Variants in ROBO2 observed in about 807,000 individuals in gnomAD.
The protein encoded by ROBO2 is roundabout homolog 2.
A neutral mutation model predicts 160.8 loss-of-function variants in ROBO2; 53 were observed. The observed-to-expected ratio is 0.33, with a 90% CI of 0.26 to 0.41. The LOEUF (loss-of-function observed/expected upper bound fraction) is 0.41. Among genes scored for constraint, ROBO2 ranks in the 10% least tolerant of loss-of-function variants. The pLI is 1.00. For missense variants in ROBO2, 1,577 were observed against 1,722.4 expected (o/e 0.92, Z 1.49); for synonymous variants, 664 against 611.7 (o/e 1.09, Z -1.26).
At chr3:75,916,973 C>A (rs1368002095) in intron 1 of ROBO2, among the ~76,000 whole-genome samples, 1 of 106,460 alleles carries the variant, frequency 9.4e-6, no homozygotes, top group Admixed American at 1.1e-4. Context: ...AAAATGAGTG[C>A]ATGTTTTCTA....
At chr3:76,952,155 C>T (rs1371187721) in intron 2 of ROBO2, among the ~76,000 whole-genome samples, 4 of 152,178 alleles carry the variant, frequency 2.6e-5, no homozygotes, top group South Asian at 2.1e-4. Context: ...ACACAGCCTG[C>T]GTTCTGACTA....
intron 2 of ROBO2, among the ~76,000 whole-genome samples, chr3:76,019,383 G>A (rs369771176): frequency 1.3e-5 from 2 of 151,352 alleles, no homozygotes; most frequent in African/African-American, 4.9e-5. Context: ...GTGCGTATCT[G>A]AGAATACTGT....
chr3:77,297,907 A>G (rs1401174981), intron 2 of ROBO2, among the ~76,000 whole-genome samples: 1 of 152,186 alleles, frequency 6.6e-6, no homozygotes, highest in Non-Finnish European at 1.5e-5. Flanking sequence ...ATGAGGAGGC[A>G]TGCTAACAGA....
intron 2 of ROBO2, among the ~76,000 whole-genome samples, chr3:76,755,159 C>G (rs1016913939): frequency 1.3e-5 from 2 of 151,640 alleles, no homozygotes; most frequent in African/African-American, 4.8e-5. Context: ...ATGAATTTTC[C>G]TATGTAATAA....
intron 14 of ROBO2, among the ~76,000 whole-genome samples, 164 bp downstream of exon 15, chr3:77,574,894 A>G (rs1198287840): frequency 1.3e-5 from 2 of 152,112 alleles, no homozygotes; most frequent in Non-Finnish European, 2.9e-5. Flanking sequence ...GAATCTGACA[A>G]GCAGAAAAAA....
intron 21 of ROBO2, among the ~76,000 whole-genome samples, chr3:77,613,584 TG>T (rs1164614407): frequency 6.6e-6 from 1 of 152,180 alleles, no homozygotes; most frequent in Non-Finnish European, 1.5e-5. Flanking sequence ...CTTAATAATG[TG>T]GCTTAAGTCA....
intron 2 of ROBO2, among the ~76,000 whole-genome samples, chr3:76,975,626 C>A (rs1358319170): frequency 6.6e-6 from 1 of 152,144 alleles, no homozygotes; most frequent in African/African-American, 2.4e-5. Flanking sequence ...CCGAAGCTTT[C>A]TTTTCCTAAT....
chr3:76,246,613 C>T (rs1705639382), intron 2 of ROBO2, among the ~76,000 whole-genome samples: 1 of 152,014 alleles, frequency 6.6e-6, no homozygotes, highest in Non-Finnish European at 1.5e-5. Context: ...TAGTATTATT[C>T]CCTAGAAGTT....
At chr3:76,664,497 G>A (rs532888983) in intron 2 of ROBO2, among the ~76,000 whole-genome samples, 13 of 152,190 alleles carry the variant, frequency 8.5e-5, no homozygotes, top group Non-Finnish European at 1.5e-4. Flanking sequence ...CATAGGAAAC[G>A]TCCAGAGGGC....
At chr3:76,680,358 T>TAA (rs3066796) in intron 2 of ROBO2, among the ~76,000 whole-genome samples, 2,033 of 143,616 alleles carry the variant, frequency 0.014, 38 homozygotes, top group African/African-American at 0.043. Context: ...ATGGATATAT[T>TAA]AAAAAAAAAA....
intron 2 of ROBO2, among the ~76,000 whole-genome samples, chr3:76,106,538 G>A (rs976443740): frequency 6.6e-6 from 1 of 151,998 alleles, no homozygotes; most frequent in Non-Finnish European, 1.5e-5. Context: ...TTATTTGGTT[G>A]TTGAAGGGTT....
intron 2 of ROBO2, among the ~76,000 whole-genome samples, chr3:77,166,834 C>T (rs1480558996): frequency 9.2e-5 from 14 of 152,220 alleles, no homozygotes; most frequent in African/African-American, 2.7e-4. Context: ...GCTGGGATTA[C>T]AGGCGTGAGC....
chr3:77,089,201 A>G (rs962103780), intron 1 of ROBO2, among the ~76,000 whole-genome samples: 1 of 152,240 alleles, frequency 6.6e-6, no homozygotes, highest in Non-Finnish European at 1.5e-5. Context: ...AGAAAAAGTC[A>G]TCCTGAAAAC....
At chr3:77,423,255 T>G (rs1452323786) in intron 2 of ROBO2, among the ~76,000 whole-genome samples, 1 of 152,186 alleles carries the variant, frequency 6.6e-6, no homozygotes, top group Non-Finnish European at 1.5e-5. Flanking sequence ...ACTAGATGAA[T>G]TACTATGTCA....
rs189433469 is a variant in ROBO2 at position 77,549,383 on chromosome 3, G to A, written c.1060-1435G>A. ...AAATTTAGACTCTCTCTTTTAGCTC[G>A]TTTATTTTGATAATACATTTGGAAT... On this transcript the variant is annotated intron_variant, in intron 7 of 25. Coordinates refer to ENST00000461745, the Ensembl canonical transcript of ROBO2. 2.1e-3 allele frequency among the ~76,000 whole-genome samples: 326 copies of A among 151,964 alleles called. 1 individual carries two copies. The highest frequency in any genetic ancestry group is 3.0e-3 in the Non-Finnish European group (204 of 67,926).
At chr3:76,493,355 AT>A (rs1177125938) in intron 2 of ROBO2, among the ~76,000 whole-genome samples, 9 of 142,932 alleles carry the variant, frequency 6.3e-5, no homozygotes, top group African/African-American at 2.3e-4. Flanking sequence ...ATATATATAT[AT>A]ATATATATAA....
At chr3:77,249,070 TC>T (rs1373860157) in intron 2 of ROBO2, among the ~76,000 whole-genome samples, 2 of 152,040 alleles carry the variant, frequency 1.3e-5, no homozygotes, top group African/African-American at 4.8e-5. Context: ...CAGGCTGGTC[TC>T]AAACTCCCGA....
chr3:76,401,906 A>G (rs1479188681), intron 2 of ROBO2, among the ~76,000 whole-genome samples: 1 of 151,550 alleles, frequency 6.6e-6, no homozygotes, highest in Non-Finnish European at 1.5e-5. Flanking sequence ...CCTAGAATAC[A>G]AAGAAAAATT....
chr3:77,317,331 C>A, intron 2 of ROBO2: 2 of 779,852 alleles, frequency 2.6e-6, no homozygotes, highest in South Asian at 3.0e-5. Context: ...CCTCAGGCCA[C>A]GTGCAAGCTG....
Sources: gnomAD v4.1 joint callset for allele counts (sites outside exome capture counted in the v4.1 genomes callset) on GRCh38, gnomAD v4.1.1 for gene constraint, MANE v1.5 for transcripts, NCBI Gene and HGNC (gene_info 2026-07-23, HGNC 2026-07-21) for gene names.